TOX2: variants seen among roughly 807,000 people sequenced by gnomAD.
TOX2 encodes the protein granulosa cell HMG box 1.
A neutral mutation model predicts 47.4 loss-of-function variants in TOX2; 15 were observed. That is an observed-to-expected ratio of 0.32 (90% CI 0.21 to 0.49). The LOEUF (loss-of-function observed/expected upper bound fraction) is 0.49, where lower values mean the gene tolerates loss of function less well. Among genes scored for constraint, TOX2 ranks in the 20% least tolerant of loss-of-function variants. TOX2 has a pLI of 0.99. For missense variants in TOX2, 622 were observed against 673.1 expected (o/e 0.92, Z 0.84); for synonymous variants, 290 against 296.6 (o/e 0.98, Z 0.23).
intron 5 of TOX2, among the ~76,000 whole-genome samples, chr20:44,058,563 G>A (rs2071663286): frequency 6.6e-6 from 1 of 152,204 alleles, no homozygotes; most frequent in African/African-American, 2.4e-5. Context: ...GCTCTAGAAA[G>A]TGCTACCTCC....
At chr20:43,975,255 C>T (rs1383975027) in intron 2 of TOX2, among the ~76,000 whole-genome samples, 4 of 151,882 alleles carry the variant, frequency 2.6e-5, no homozygotes, top group Non-Finnish European at 4.4e-5. Flanking sequence ...CTCTAGGCCT[C>T]GGCAGAGGAG....
intron 2 of TOX2, among the ~76,000 whole-genome samples, chr20:43,977,384 T>C (rs2070100576): frequency 6.6e-6 from 1 of 152,184 alleles, no homozygotes; most frequent in Non-Finnish European, 1.5e-5. Flanking sequence ...GTGGTGGGAT[T>C]ACAGGCGTGA....
intron 2 of TOX2, among the ~76,000 whole-genome samples, chr20:43,994,474 A>AT (rs1183081426): frequency 1.3e-5 from 2 of 151,724 alleles, no homozygotes; most frequent in Non-Finnish European, 2.9e-5. Context: ...AAAAAAAAAA[A>AT]GACTACCACT....
chr20:44,059,114 A>T (rs1402457333), intron 5 of TOX2, among the ~76,000 whole-genome samples: 2 of 152,238 alleles, frequency 1.3e-5, no homozygotes, highest in Non-Finnish European at 2.9e-5. Context: ...AGTCCAACTT[A>T]AAATAAAAAG....
At chr20:43,988,198 G>A (rs758686826) in intron 2 of TOX2, among the ~76,000 whole-genome samples, 5 of 152,110 alleles carry the variant, frequency 3.3e-5, no homozygotes, top group Admixed American at 6.5e-5. Flanking sequence ...GATTACAGGC[G>A]TGAGCCACCG....
intron 2 of TOX2, among the ~76,000 whole-genome samples, chr20:43,990,862 A>G (rs965733503): frequency 5.9e-5 from 9 of 152,130 alleles, no homozygotes; most frequent in Admixed American, 3.3e-4. Context: ...GCACATTTTT[A>G]GGCAATGCTA....
Position 43,991,255 on chromosome 20 carries a change from G to A in TOX2, c.166-15292G>A, listed in dbSNP as rs145998713. ...ATGGGCCAAGTTAGAATGATTTCATGCTGAACAGCGTCACTGAGCGGGCTG... is the reference window on the plus strand; with the variant it reads ...ATGGGCCAAGTTAGAATGATTTCATACTGAACAGCGTCACTGAGCGGGCTG... On this transcript the variant is annotated intron_variant, in intron 2 of 8. Transcript: ENST00000341197. Among the ~76,000 whole-genome samples, 199 of 149,170 alleles carry A rather than the reference G, an allele frequency of 1.3e-3. 1 individual carries two copies. The highest frequency in any genetic ancestry group is 4.5e-3 in the African/African-American group (179 of 39,564).
At chr20:43,989,390 C>T (rs1310919023) in intron 2 of TOX2, among the ~76,000 whole-genome samples, 1 of 152,230 alleles carries the variant, frequency 6.6e-6, no homozygotes, top group Admixed American at 6.5e-5. Flanking sequence ...CAGCATCACA[C>T]ATGCGGGAGC....
chr20:44,027,837 G>A (rs918204301), intron 3 of TOX2, among the ~76,000 whole-genome samples: 55 of 152,308 alleles, frequency 3.6e-4, no homozygotes, highest in African/African-American at 1.3e-3. Flanking sequence ...CGACCATGGC[G>A]TGCCTCAAAT....
Position 43,915,052 on chromosome 20 carries a change from C to G in TOX2, c.99+62C>G. The G allele has an allele frequency of 9.7e-7, 1 of 1,035,394 alleles. No individual in the cohort carries two copies. 64.1% of individuals were successfully genotyped at this position (1,035,394 alleles called of 1,614,324 possible). ...GCCGGAGTCACCTGGCAGCTCGGGACTCAGGCGCTCCCGGGGTCACACGGG... is the reference window on the plus strand; with the variant it reads ...GCCGGAGTCACCTGGCAGCTCGGGAGTCAGGCGCTCCCGGGGTCACACGGG... On this transcript the variant is annotated intron_variant, in intron 1 of 8. Coordinates refer to ENST00000341197, the MANE Select transcript of TOX2 (RefSeq NM_001098797.2). The surrounding 1 kb of genome is among the most constrained non-coding windows in gnomAD (Gnocchi z 7.1).
intron 5 of TOX2, among the ~76,000 whole-genome samples, chr20:44,060,608 C>A (rs1210400125): frequency 6.6e-6 from 1 of 152,090 alleles, no homozygotes; most frequent in Non-Finnish European, 1.5e-5. Flanking sequence ...AAGGAACCCT[C>A]AAAACAATGC....
At chr20:43,925,821 C>T (rs2069159656) in intron 1 of TOX2, among the ~76,000 whole-genome samples, 1 of 152,214 alleles carries the variant, frequency 6.6e-6, no homozygotes, top group African/African-American at 2.4e-5. Context: ...CATTTGTCCC[C>T]ATTTTTTTAG....
At chr20:43,992,015 G>A (rs1286879051) in intron 2 of TOX2, among the ~76,000 whole-genome samples, 1 of 152,230 alleles carries the variant, frequency 6.6e-6, no homozygotes, top group Non-Finnish European at 1.5e-5. Context: ...AGGTAGGGGA[G>A]CTGGGTGTGC....
chr20:44,066,924 A>T, intron 8 of TOX2, 67 bp downstream of exon 8: 4 of 1,561,886 alleles, frequency 2.6e-6, no homozygotes, highest in Non-Finnish European at 2.6e-6. Context: ...ATGGCCAGGG[A>T]TGGGAGAATG....
At chr20:43,942,754 A>G (rs1006773505) in intron 1 of TOX2, among the ~76,000 whole-genome samples, 2 of 152,296 alleles carry the variant, frequency 1.3e-5, no homozygotes, top group African/African-American at 4.8e-5. Context: ...AGCTGCCTCC[A>G]TGGATAAGAA....
Position 43,963,584 on chromosome 20 carries a change from C to T in TOX2, c.100-9783C>T, listed in dbSNP as rs540118505. 3.3e-3 allele frequency among the ~76,000 whole-genome samples: 502 copies of T among 152,276 alleles called. 1 individual carries two copies. Among genetic ancestry groups the T allele is most frequent in the African/African-American group, 0.011 (473 of 41,548 alleles). ...CTTGGCTGTGTGGCCTTAGGCAGAT[C>T]CCCTAAACTTTCCGGGCCTCTGTGA... On this transcript the variant is annotated intron_variant, in intron 1 of 8. Transcript: ENST00000341197.
intron 2 of TOX2, among the ~76,000 whole-genome samples, chr20:43,979,795 A>G (rs536287659): frequency 1.4e-4 from 21 of 152,354 alleles, no homozygotes; most frequent in African/African-American, 3.4e-4. Flanking sequence ...ATCACTGACA[A>G]TCAGAGAAAT....
intron 1 of TOX2, among the ~76,000 whole-genome samples, chr20:43,941,259 C>T (rs1053615324): frequency 1.5e-4 from 23 of 150,818 alleles, no homozygotes; most frequent in African/African-American, 4.4e-4. Flanking sequence ...GACAAAGGTT[C>T]GAGAGTCCCA....
At chr20:44,026,252 C>CATACAT (rs1250784789) in intron 3 of TOX2, among the ~76,000 whole-genome samples, 1 of 81,908 alleles carries the variant, frequency 1.2e-5, no homozygotes, top group African/African-American at 5.7e-5. Context: ...TATATATAGA[C>CATACAT]ACACACACAC....
Sources: allele counts gnomAD v4.1 joint callset (sites outside exome capture counted in the v4.1 genomes callset), GRCh38; gene constraint gnomAD v4.1.1; non-coding constraint Gnocchi (gnomAD v3.1); transcripts MANE v1.5; gene names NCBI Gene and HGNC (gene_info 2026-07-23, HGNC 2026-07-21).